SPHK2: variants seen among roughly 807,000 people sequenced by gnomAD.
SPHK2 encodes sphingosine kinase 2.
SPHK2 carries 18 observed loss-of-function variants against 32.3 expected under a neutral mutation model. The ratio of observed to expected loss-of-function variants is 0.56; its 90% CI spans 0.39 to 0.83. The LOEUF (loss-of-function observed/expected upper bound fraction) is 0.83, where lower values mean the gene tolerates loss of function less well. SPHK2 is among the 40% of genes least tolerant of loss of function. The pLI is 0.00. For missense variants in SPHK2, 850 were observed against 908.7 expected (o/e 0.94, Z 0.83); for synonymous variants, 462 against 417.6 (o/e 1.11, Z -1.30).
chr19:48,622,444 G>T (rs1426781326), intron 2 of SPHK2, among the ~76,000 whole-genome samples: 3 of 152,012 alleles, frequency 2.0e-5, no homozygotes, highest in Admixed American at 6.6e-5. Flanking sequence ...GAATTCAGGG[G>T]CTTCCCAGCA....
intron 1 of SPHK2, chr19:48,619,814 C>CA (rs1183670602): frequency 1.3e-5 from 2 of 153,232 alleles, no homozygotes; most frequent in East Asian, 3.9e-4. Flanking sequence ...AAGAGGGAGA[C>CA]AGAGTTTCAT....
At chr19:48,620,617 T>TAA in intron 2 of SPHK2, 64 bp downstream of exon 2, 10 of 1,283,688 alleles carry the variant, frequency 7.8e-6, no homozygotes, top group Admixed American at 2.7e-5. Flanking sequence ...AAGCTTTTCT[T>TAA]TAAAAAAAAA....
At position 48,628,609 on chromosome 19, in the gene SPHK2, T is replaced by A. The variant is rs956095156; in HGVS notation, c.873-72T>A. 6.4e-7 allele frequency: 1 copy of A among 1,569,000 alleles called. No individual in the cohort carries two copies. The highest frequency in any genetic ancestry group is 8.6e-7 in the Non-Finnish European group (1 of 1,156,180). ...TTCGTGGTCTCATTGCCAGCTGCTT[T>A]CCTACCTGTCTCTTTCCCCAACCCC... On this transcript the variant is annotated intron_variant, in intron 6 of 6. Coordinates refer to ENST00000245222, the MANE Select transcript of SPHK2 (RefSeq NM_020126.5). The surrounding 1 kb of genome is among the most constrained non-coding windows in gnomAD (Gnocchi z 5.2).
At chr19:48,621,226 T>C (rs1166698181) in intron 2 of SPHK2, among the ~76,000 whole-genome samples, 7 of 152,142 alleles carry the variant, frequency 4.6e-5, no homozygotes, top group African/African-American at 1.2e-4. Context: ...ATTACAGGCA[T>C]GCGCCACCAC....
Position 48,629,453 on chromosome 19 carries a change from C to T in SPHK2, c.1645C>T (p.Leu549=), listed in dbSNP as rs2030363999. ...VLMLAISPSH[L]GADLVAAPHA... ...CATGTTGGCCATCTCGCCCAGCCAC[C>T]TAGGCGCTGACCTGGTGGCAGCTCC... The change falls in exon 7 of 7, where the codon CTA becomes TTA. Residue 549 remains leucine, a synonymous_variant. Transcript: ENST00000245222. 6.2e-7 allele frequency: 1 copy of T among 1,608,744 alleles called. No homozygotes were observed. The highest frequency in any genetic ancestry group is 1.3e-5 in the African/African-American group (1 of 74,864).
chr19:48,626,306 G>A lies in SPHK2; in HGVS notation c.455G>A (p.Arg152His), dbSNP rs1291933145. The A allele has an allele frequency of 3.8e-6, 6 of 1,594,958 alleles. No homozygotes were observed. The African/African-American group carries it at 5.3e-5, about 14-fold the overall frequency. Residue 152 changes from arginine to histidine, a missense_variant, in exon 3 of 7, where the codon CGC becomes CAC. This residue lies in a region of SPHK2 where 544 missense variants were observed against 640.0 expected (regional missense o/e 0.85). Coordinates refer to ENST00000245222, the MANE Select transcript of SPHK2 (RefSeq NM_020126.5). ...GAAGAGAACCGTGCCGAGGCCCAGC[G>A]CTGGGCCACTGCCCTCACCTGTCTG... The part of the protein sequence containing the change: ...TYEENRAEAQ[R>H]WATALTCLLR...
chr19:48,628,496 G>T lies in SPHK2; in HGVS notation c.873-185G>T, dbSNP rs1348443373. 1.1e-6 allele frequency: 1 copy of T among 875,718 alleles called. No individual in the cohort carries two copies. Among genetic ancestry groups the T allele is most frequent in the East Asian group, 2.6e-5 (1 of 38,866 alleles). 54.2% of individuals were successfully genotyped at this position (875,718 alleles called of 1,614,324 possible). ...ATGGGAGGCACTCAGTGAATTGTAG[G>T]GAGCAAATGAAAGATGACCAGGAAC... On this transcript the variant is annotated intron_variant, in intron 6 of 6. Coordinates refer to ENST00000245222, the MANE Select transcript of SPHK2 (RefSeq NM_020126.5). This position sits in a 1 kb window ranked among gnomAD's most constrained non-coding sequence, Gnocchi z 5.2.
In SPHK2 at chr19:48,627,770, G is replaced by A. The variant is rs1278957698; in HGVS notation, c.590G>A (p.Trp197Ter). The A allele has an allele frequency of 6.2e-7, 1 of 1,613,960 alleles. No individual in the cohort carries two copies. The highest frequency in any genetic ancestry group is 2.2e-5 in the East Asian group (1 of 44,880). ...CCCTTTGGGGGTCGGGGCCTGGCCT[G>A]GCAGTGGTGTAAGAACCACGTGCTT... Reference protein sequence around the residue: ...VNPFGGRGLAWQWCKNHVLPM... With the variant: ...VNPFGGRGLA The change falls in exon 4 of 7, where the codon TGG (tryptophan) becomes TAG (stop). Residue 197 changes from tryptophan to a stop codon, truncating the protein, a stop_gained. Coordinates refer to ENST00000245222, the MANE Select transcript of SPHK2 (RefSeq NM_020126.5). LOFTEE classifies it high-confidence loss of function.
Position 48,629,119 on chromosome 19 carries a change from G to A in SPHK2, c.1311G>A (p.Ser437=), listed in dbSNP as rs114581332. The A allele has an allele frequency of 8.7e-5, 141 of 1,613,272 alleles. No homozygotes were observed. The African/African-American group carries it at 1.0e-3, about 11-fold the overall frequency. Residue 437 remains serine, a synonymous_variant, in exon 7 of 7, where the codon TCG becomes TCA. Coordinates refer to ENST00000245222, the MANE Select transcript of SPHK2 (RefSeq NM_020126.5). ...AGCCTGCCCTGGCCTCTCCTGGCTC[G>A]CCAGAACCCCTGCCCATCCTGTCCC... The part of the protein sequence containing the change: ...LPQPALASPG[S]PEPLPILSLN...
chr19:48,630,012 T>C lies in SPHK2; in HGVS notation c.*239T>C. On this transcript the variant is annotated 3_prime_UTR_variant, in exon 7 of 7. Transcript: ENST00000245222. This position sits in a 1 kb window ranked among gnomAD's most constrained non-coding sequence, Gnocchi z 4.9. Reference sequence around the variant, plus strand: ...TGATCAATGAGGGCGGGGCCTGGCGTCTGATCTGGGGCCGCCCTTACGGGG... The same window carrying C: ...TGATCAATGAGGGCGGGGCCTGGCGCCTGATCTGGGGCCGCCCTTACGGGG... 7.3e-7 allele frequency: 1 copy of C among 1,364,822 alleles called. No individual in the cohort carries two copies. The highest frequency in any genetic ancestry group is 9.4e-7 in the Non-Finnish European group (1 of 1,061,950). 84.5% of individuals were successfully genotyped at this position (1,364,822 alleles called of 1,614,324 possible).
At position 48,620,468 on chromosome 19, in the gene SPHK2, A is replaced by T; in HGVS notation, c.-47A>T. On this transcript the variant is annotated 5_prime_UTR_variant, in exon 2 of 7. Coordinates refer to ENST00000245222, the MANE Select transcript of SPHK2 (RefSeq NM_020126.5). The stretch of plus-strand genomic sequence containing the variant: ...TCCTACCAGCCTACTATGGCTTAAG[A>T]CCCAGGGCCAGGGTCCCGTTGATGT... The T allele has an allele frequency of 6.3e-7, 1 of 1,593,230 alleles. No homozygotes were observed. Among genetic ancestry groups the T allele is most frequent in the Non-Finnish European group, 8.6e-7 (1 of 1,165,016 alleles).
rs776249619 is a variant in SPHK2 at position 48,625,968 on chromosome 19, G to C, written c.117G>C (p.Pro39=). The stretch of plus-strand genomic sequence containing the variant: ...TGGTCAGGGCTAAGGCCATGGCCCC[G>C]CCCCCACCGCCACTGGCTGCCAGCA... ...STLVRAKAMA[P]PPPPLAASTP... The change falls in exon 3 of 7, where the codon CCG becomes CCC. Residue 39 remains proline (P), a synonymous_variant. Transcript: ENST00000245222. 2 of 1,612,224 alleles carry C rather than the reference G, an allele frequency of 1.2e-6. No homozygotes were observed. The highest frequency in any genetic ancestry group is 1.1e-5 in the South Asian group (1 of 91,016).
intron 2 of SPHK2, chr19:48,625,641 G>A (rs1322340620): frequency 4.6e-6 from 7 of 1,526,088 alleles, no homozygotes; most frequent in Non-Finnish European, 5.3e-6. Flanking sequence ...CACATAAAGG[G>A]TACTGAATAC....
At chr19:48,621,698 T>C (rs901495160) in intron 2 of SPHK2, among the ~76,000 whole-genome samples, 10 of 152,008 alleles carry the variant, frequency 6.6e-5, no homozygotes, top group Non-Finnish European at 1.2e-4. Context: ...AGTTACATTT[T>C]AAGTATTTCG....
At chr19:48,625,555 A>T (rs1974575653) in intron 2 of SPHK2, 1 of 1,325,404 alleles carries the variant, frequency 7.5e-7, no homozygotes, top group African/African-American at 1.5e-5. Context: ...TCTCTTGTTT[A>T]TCTATTCCTA....
In SPHK2 at chr19:48,629,632, C is replaced by A; in HGVS notation, c.1824C>A (p.Phe608Leu). 6.2e-7 allele frequency: 1 copy of A among 1,600,028 alleles called. No individual in the cohort carries two copies. The highest frequency in any genetic ancestry group is 8.5e-7 in the Non-Finnish European group (1 of 1,174,058). Residue 608 changes from phenylalanine (F) to leucine (L), a missense_variant, in exon 7 of 7, where the codon TTC (phenylalanine) becomes TTA (leucine). Around this residue, in one of 2 missense-constraint regions of SPHK2, gnomAD observed 306 missense variants for 268.6 expected, o/e 1.14. Transcript: ENST00000245222. ...TGGGCTACGCCGCGGCCCGTGCCTT[C>A]CGCCTAGAGCCGCTCACACCACGCG... ...PQLGYAAARAFRLEPLTPRGV... is the reference protein window; with the variant it reads ...PQLGYAAARALRLEPLTPRGV...
In SPHK2 at chr19:48,629,584, C is replaced by G; in HGVS notation, c.1776C>G (p.His592Gln). 1 of 1,599,792 alleles carries G rather than the reference C, an allele frequency of 6.3e-7. No individual in the cohort carries two copies. The highest frequency in any genetic ancestry group is 8.5e-7 in the Non-Finnish European group (1 of 1,173,524). The change falls in exon 7 of 7, where the codon CAC becomes CAG. Residue 592 changes from histidine to glutamine, a missense_variant. Transcript: ENST00000245222. ...TCTTGGCCATGGAGCGTGGTAGCCA[C>G]TTCAGCCTGGGCTGTCCGCAGCTGG... ...RLFLAMERGS[H>Q]FSLGCPQLGY... is the part of the protein sequence containing the mutation.
chr19:48,628,146 G>C lies in SPHK2; in HGVS notation c.757-16G>C, dbSNP rs757933167. Reference sequence around the variant, plus strand: ...ACTGCCACCAGGACCCAGGCTTCTGGTCTCCCACCCTCCAGGTGCTGAACG... The same window carrying C: ...ACTGCCACCAGGACCCAGGCTTCTGCTCTCCCACCCTCCAGGTGCTGAACG... On this transcript the variant is annotated splice_polypyrimidine_tract_variant and intron_variant, in intron 5 of 6. Coordinates refer to ENST00000245222, the MANE Select transcript of SPHK2 (RefSeq NM_020126.5). The surrounding 1 kb of genome is among the most constrained non-coding windows in gnomAD (Gnocchi z 5.2). 1 of 1,608,936 alleles carries C rather than the reference G, an allele frequency of 6.2e-7. No individual in the cohort carries two copies. The highest frequency in any genetic ancestry group is 1.1e-5 in the South Asian group (1 of 90,618).
intron 2 of SPHK2, chr19:48,625,365 A>C: frequency 1.7e-6 from 2 of 1,147,034 alleles, no homozygotes; most frequent in Non-Finnish European, 2.2e-6. Context: ...TGCGTTTGTG[A>C]TTGTTTTGCT....
Sources: allele counts gnomAD v4.1 joint callset (sites outside exome capture counted in the v4.1 genomes callset), GRCh38; gene constraint gnomAD v4.1.1; regional missense constraint gnomAD v4.1.1; non-coding constraint Gnocchi (gnomAD v3.1); transcripts MANE v1.5; gene names NCBI Gene and HGNC (gene_info 2026-07-23, HGNC 2026-07-21).